TMEM145: variants seen among roughly 807,000 people sequenced by gnomAD.
TMEM145 encodes the protein transmembrane protein 145.
TMEM145 carries 46 observed loss-of-function variants against 68.5 expected under a neutral mutation model. The ratio of observed to expected loss-of-function variants is 0.67; its 90% CI spans 0.53 to 0.86. The LOEUF is 0.86. TMEM145 is among the 40% of genes least tolerant of loss of function. The pLI, the probability that TMEM145 is intolerant of heterozygous loss-of-function variation, is 0.00. For synonymous variants in TMEM145, 255 were observed against 280.2 expected, an observed-to-expected ratio of 0.91 and a Z score of 0.90; for missense variants, 570 against 645.8, an observed-to-expected ratio of 0.88 and a Z score of 1.27.
In TMEM145 at chr19:42,313,341, G is replaced by GGGAGCCGGAGCGGAGCC. The variant is rs942849361; in HGVS notation, c.-33_-17dup. On this transcript the variant is annotated 5_prime_UTR_variant, in exon 1 of 15. Transcript: ENST00000301204. The surrounding 1 kb of genome is among the most constrained non-coding windows in gnomAD (Gnocchi z 5.1). ...CTCGCCTCCATTGCCGGGCCAGTGCGGGAGCCGGAGCGGAGCCGGGGCCGG... is the reference window on the plus strand; with the variant it reads ...CTCGCCTCCATTGCCGGGCCAGTGCGGGAGCCGGAGCGGAGCCGGAGCCGGAGCGGAGCCGGGGCCGG... 5.7e-6 allele frequency: 5 copies of GGGAGCCGGAGCGGAGCC among 880,044 alleles called. No homozygotes were observed. Among genetic ancestry groups the GGGAGCCGGAGCGGAGCC allele is most frequent in the African/African-American group, 3.5e-5 (2 of 56,426 alleles). The allele number at this position is 880,044 out of a possible 1,614,324, so 54.5% of individuals were successfully genotyped here.
At chr19:42,317,357 G>A (rs1445614727) in intron 11 of TMEM145, among the ~76,000 whole-genome samples, 1 of 152,130 alleles carries the variant, frequency 6.6e-6, no homozygotes, top group Non-Finnish European at 1.5e-5. Context: ...CCCCTCTAAG[G>A]CTTTCTATCG....
chr19:42,315,272 C>T lies in TMEM145; in HGVS notation c.577+13C>T. 6.2e-7 allele frequency: 1 copy of T among 1,611,584 alleles called. No homozygotes were observed. The highest frequency in any genetic ancestry group is 8.5e-7 in the Non-Finnish European group (1 of 1,178,184). Reference sequence around the variant, plus strand: ...TGTTACTTTGGATGTGAGTCTGGCACATGGGGTGTGGGGGAAGAGATAGGA... The same window carrying T: ...TGTTACTTTGGATGTGAGTCTGGCATATGGGGTGTGGGGGAAGAGATAGGA... On this transcript the variant is annotated intron_variant, in intron 7 of 14. Transcript: ENST00000301204.
Position 42,313,525 on chromosome 19 carries a change from C to T in TMEM145, c.120+29C>T. The T allele has an allele frequency of 8.0e-7, 1 of 1,257,634 alleles. No individual in the cohort carries two copies. The allele number at this position is 1,257,634 out of a possible 1,614,324, so 77.9% of individuals were successfully genotyped here. A position where few individuals can be genotyped will look rare whatever the true frequency, so the allele number is the denominator to read the frequency against. On this transcript the variant is annotated intron_variant, in intron 1 of 14. Coordinates refer to ENST00000301204, the MANE Select transcript of TMEM145 (RefSeq NM_173633.3). This position sits in a 1 kb window ranked among gnomAD's most constrained non-coding sequence, Gnocchi z 5.1. ...AGCATGCCGAGCCCTCCTCTGCGGC[C>T]CGCCGGCCCCCGGGGGACGCAAGGG...
At chr19:42,315,579 C>G (rs924039547) in intron 8 of TMEM145, 139 bp downstream of exon 8, 2 of 898,366 alleles carry the variant, frequency 2.2e-6, no homozygotes, top group African/African-American at 3.4e-5. Context: ...ACTCCTGGGT[C>G]CAAGGGAGAA....
chr19:42,320,752 C>G (rs13343719), intron 13 of TMEM145, among the ~76,000 whole-genome samples: 2,315 of 152,044 alleles, frequency 0.015, 61 homozygotes, highest in African/African-American at 0.051. Flanking sequence ...CTCAGCCTCC[C>G]GAGTAGCTGG....
intron 5 of TMEM145, 47 bp downstream of exon 5, chr19:42,314,898 G>T (rs775056659): frequency 6.2e-7 from 1 of 1,614,028 alleles, no homozygotes; most frequent in African/African-American, 1.3e-5. Flanking sequence ...TGTGGGGTAA[G>T]GGGCTGGGGT....
At chr19:42,323,864 GC>G in intron 14 of TMEM145, 75 bp downstream of exon 14, 2 of 1,313,256 alleles carry the variant, frequency 1.5e-6, no homozygotes, top group Non-Finnish European at 2.1e-6. Flanking sequence ...TCCCGGCCCC[GC>G]CGCCGCCCCC....
Position 42,325,064 on chromosome 19 carries a change from A to G in TMEM145, c.*247A>G. The G allele has an allele frequency of 2.2e-6, 1 of 456,914 alleles. No individual in the cohort carries two copies. The highest frequency in any genetic ancestry group is 3.4e-6 in the Non-Finnish European group (1 of 290,154). The allele number at this position is 456,914 out of a possible 1,614,324, so 28.3% of individuals were successfully genotyped here. ...AAAAAAGGATTCGTTTTTATCTATA[A>G]CATGGCTTCTTTTGCATCTTGATGG... On this transcript the variant is annotated 3_prime_UTR_variant, in exon 15 of 15. Coordinates refer to ENST00000301204, the MANE Select transcript of TMEM145 (RefSeq NM_173633.3).
chr19:42,315,113 TG>T (rs762801546), intron 6 of TMEM145, 36 bp downstream of exon 6: 2 of 1,614,152 alleles, frequency 1.2e-6, no homozygotes, highest in Admixed American at 3.3e-5. Context: ...AGGCTCTCTG[TG>T]GGACACCAGA....
intron 13 of TMEM145, chr19:42,321,278 G>A (rs1326753945): frequency 1.8e-5 from 7 of 394,462 alleles, no homozygotes; most frequent in Non-Finnish European, 3.1e-5. Flanking sequence ...AGGCTGGAGT[G>A]CAGTGGCGCG....
In TMEM145 at chr19:42,317,811, C is replaced by T. The variant is rs754600264; in HGVS notation, c.1003C>T (p.Leu335Phe). The change falls in exon 12 of 15, where the codon CTT becomes TTT. Residue 335 changes from leucine (L) to phenylalanine (F), a missense_variant. By Grantham distance (22) the Leu-to-Phe change is conservative. Coordinates refer to ENST00000301204, the MANE Select transcript of TMEM145 (RefSeq NM_173633.3). ...CTACGTGTGGTTCTGCTATGCTGTGCTTGTCTCACTGCGACACTTTCCTGA... is the reference window on the plus strand; with the variant it reads ...CTACGTGTGGTTCTGCTATGCTGTGTTTGTCTCACTGCGACACTTTCCTGA... ...AAYVWFCYAV[L>F]VSLRHFPEKQ... is the part of the protein sequence containing the mutation. 69 of 1,614,096 alleles carry T rather than the reference C, an allele frequency of 4.3e-5. No individual in the cohort carries two copies. Among genetic ancestry groups the T allele is most frequent in the Non-Finnish European group, 5.5e-5 (65 of 1,180,038 alleles).
intron 13 of TMEM145, among the ~76,000 whole-genome samples, chr19:42,322,415 C>T (rs888728441): frequency 2.0e-5 from 3 of 152,172 alleles, no homozygotes; most frequent in African/African-American, 4.8e-5. Context: ...ATCCCAGAGG[C>T]GGGATGCAGG....
intron 12 of TMEM145, among the ~76,000 whole-genome samples, chr19:42,319,679 C>T (rs1170931559): frequency 6.6e-6 from 1 of 151,906 alleles, no homozygotes; most frequent in East Asian, 1.9e-4. Context: ...AACTCCTGAC[C>T]TCAGGTGATC....
rs747798006 is a variant in TMEM145, at chr19:42,323,687, T to C, written c.1299T>C (p.Ala433=). The C allele has an allele frequency of 3.7e-6, 6 of 1,614,086 alleles. No individual in the cohort carries two copies. The African/African-American group carries it at 8.0e-5, about 22-fold the overall frequency. The change falls in exon 14 of 15, where the codon GCT becomes GCC. Residue 433 remains alanine (A), a synonymous_variant. Transcript: ENST00000301204. ...CTGGACCCGGAGGGAGCCAATCCGCTGACAAGGCCTTCCCGCAGCACGTCT... is the reference window on the plus strand; with the variant it reads ...CTGGACCCGGAGGGAGCCAATCCGCCGACAAGGCCTTCCCGCAGCACGTCT... ...GVPGPGGSQS[A]DKAFPQHVYG...
chr19:42,321,068 C>T (rs1332252752), intron 13 of TMEM145: 5 of 398,986 alleles, frequency 1.3e-5, no homozygotes, highest in Middle Eastern at 6.3e-4. Flanking sequence ...TCTTTTGTAT[C>T]CCCACTGCCT....
rs1380948597 is a variant in TMEM145, at chr19:42,317,851, A to G, written c.1043A>G (p.Tyr348Cys). 1 of 1,613,886 alleles carries G rather than the reference A, an allele frequency of 6.2e-7. No individual in the cohort carries two copies. Among genetic ancestry groups the G allele is most frequent in the Non-Finnish European group, 8.5e-7 (1 of 1,179,984 alleles). ...LRHFPEKQPF[Y>C]VPFFAAYTLW... ...CACTTTCCTGAGAAGCAGCCTTTTT[A>G]TGTGCCCTTCTTTGCTGCCTATACC... The change falls in exon 12 of 15, where the codon TAT (tyrosine) becomes TGT (cysteine). Residue 348 changes from tyrosine (Y) to cysteine (C), a missense_variant. Coordinates refer to ENST00000301204, the MANE Select transcript of TMEM145 (RefSeq NM_173633.3).
At chr19:42,315,708 T>C (rs2038850054) in intron 8 of TMEM145, among the ~76,000 whole-genome samples, 1 of 151,282 alleles carries the variant, frequency 6.6e-6, no homozygotes, top group African/African-American at 2.4e-5. Flanking sequence ...GGGTGGGACC[T>C]GACACCCCTG....
chr19:42,323,817 G>A (rs751870445), intron 14 of TMEM145, 28 bp downstream of exon 14: 8 of 1,605,160 alleles, frequency 5.0e-6, no homozygotes, highest in East Asian at 4.5e-5. Flanking sequence ...AGCGCCCGAG[G>A]AGCTGCTGGC....
At chr19:42,324,577 C>A in intron 14 of TMEM145, 160 bp from the exon 15 acceptor site, 1 of 985,268 alleles carries the variant, frequency 1.0e-6, no homozygotes, top group South Asian at 4.7e-5. Context: ...CCCGGCCGGG[C>A]TCCGGACCCC....
Sources: gnomAD v4.1 joint callset for allele counts (sites outside exome capture counted in the v4.1 genomes callset) on GRCh38, gnomAD v4.1.1 for gene constraint, Gnocchi (gnomAD v3.1) non-coding constraint, MANE v1.5 for transcripts, NCBI Gene and HGNC (gene_info 2026-07-23, HGNC 2026-07-21) for gene names.